Variants in TBC1D14 observed in about 807,000 individuals in gnomAD.
TBC1D14 encodes the protein TBC1 domain family member 14.
Under a neutral mutation model 79.0 loss-of-function variants are expected in TBC1D14, and 26 were observed. The ratio of observed to expected loss-of-function variants is 0.33; its 90% CI spans 0.24 to 0.46. The LOEUF (loss-of-function observed/expected upper bound fraction) is 0.46, where lower values mean the gene tolerates loss of function less well. Ranked by LOEUF, TBC1D14 falls within the 20% of genes least tolerant of loss-of-function variation. The pLI, the probability that TBC1D14 is intolerant of heterozygous loss-of-function variation, is 1.00. For synonymous variants in TBC1D14, 394 were observed against 349.9 expected (o/e 1.13, Z -1.40); for missense variants, 769 against 887.6 (o/e 0.87, Z 1.70).
At chr4:6,996,192 A>G (rs1241892762) in intron 4 of TBC1D14, 133 bp from the exon 5 acceptor site, 3 of 678,792 alleles carry the variant, frequency 4.4e-6, no homozygotes, top group African/African-American at 1.8e-5. Context: ...TTGTGAAAGA[A>G]CTGTGTAATC....
intron 3 of TBC1D14, among the ~76,000 whole-genome samples, chr4:6,978,137 C>A (rs1255844164): frequency 9.4e-5 from 14 of 148,924 alleles, no homozygotes; most frequent in African/African-American, 1.7e-4. Flanking sequence ...GCCCCCCGCC[C>A]GGCTAGCCGC....
At chr4:7,004,813 C>T (rs577869655) in intron 7 of TBC1D14, 31 bp from the exon 8 acceptor site, 12 of 1,610,108 alleles carry the variant, frequency 7.5e-6, no homozygotes, top group Admixed American at 1.7e-5. Flanking sequence ...TACATGTGCA[C>T]GTAATACTTA....
chr4:7,006,012 T>C (rs1186917631), intron 8 of TBC1D14, among the ~76,000 whole-genome samples: 1 of 152,166 alleles, frequency 6.6e-6, no homozygotes, highest in Non-Finnish European at 1.5e-5. Flanking sequence ...TTCTAAAAAG[T>C]ATAAAACAAA....
intron 12 of TBC1D14, among the ~76,000 whole-genome samples, chr4:7,015,243 G>A (rs1406073602): frequency 6.6e-6 from 1 of 152,100 alleles, no homozygotes; most frequent in East Asian, 1.9e-4. Flanking sequence ...TAAGTTACCT[G>A]GAAGGCAGGA....
intron 2 of TBC1D14, among the ~76,000 whole-genome samples, chr4:6,926,612 A>T (rs977435903): frequency 6.6e-6 from 1 of 152,236 alleles, no homozygotes; most frequent in Non-Finnish European, 1.5e-5. Context: ...AAGTGATGAC[A>T]TGGGCAGAGT....
At chr4:6,935,387 G>A (rs1446923040) in intron 2 of TBC1D14, among the ~76,000 whole-genome samples, 1 of 152,200 alleles carries the variant, frequency 6.6e-6, no homozygotes, top group East Asian at 1.9e-4. Context: ...ATCTGAAGGA[G>A]TGGGATCTAG....
chr4:6,919,752 C>T (rs1443364738), intron 1 of TBC1D14, among the ~76,000 whole-genome samples: 1 of 151,936 alleles, frequency 6.6e-6, no homozygotes, highest in East Asian at 1.9e-4. Context: ...TCCTGAGTAG[C>T]TAGGATTACA....
chr4:7,019,091 G>C (rs552023684), intron 12 of TBC1D14, among the ~76,000 whole-genome samples: 1 of 151,992 alleles, frequency 6.6e-6, no homozygotes, highest in East Asian at 1.9e-4. Context: ...GGTGGATCTC[G>C]GCTCACTGCA....
chr4:7,003,867 G>T (rs73202122), intron 7 of TBC1D14, among the ~76,000 whole-genome samples: 1 of 152,130 alleles, frequency 6.6e-6, no homozygotes, highest in East Asian at 1.9e-4. Flanking sequence ...CACCAGGTGC[G>T]GTGGCGTGCA....
intron 2 of TBC1D14, among the ~76,000 whole-genome samples, chr4:6,945,453 AT>A (rs1408268535): frequency 6.6e-6 from 1 of 152,190 alleles, no homozygotes; most frequent in Non-Finnish European, 1.5e-5. Context: ...ATTCACATAG[AT>A]TAAAGAAAGC....
chr4:7,004,007 C>T (rs572728946), intron 7 of TBC1D14, among the ~76,000 whole-genome samples: 112 of 151,752 alleles, frequency 7.4e-4, no homozygotes, highest in African/African-American at 2.5e-3. Context: ...GACTCCATCT[C>T]GGAAAAAAAA....
At chr4:6,999,047 G>T in intron 5 of TBC1D14, 38 bp from the exon 6 acceptor site, 2 of 1,598,586 alleles carry the variant, frequency 1.3e-6, no homozygotes, top group African/African-American at 1.3e-5. Flanking sequence ...GTCCATATCA[G>T]TTAGTAGATT....
In TBC1D14 at chr4:6,923,921, T is replaced by G. The variant is rs761841269; in HGVS notation, c.532T>G (p.Leu178Val). The stretch of plus-strand genomic sequence containing the variant: ...GCTGTCCGTCAGCAATGAGGACATC[T>G]TGGACCTTGTGGTCACGAGCAGCTC... ...TTLSVSNEDI[L>V]DLVVTSSSSA... is the part of the protein sequence containing the mutation. Residue 178 changes from leucine to valine, a missense_variant, in exon 2 of 14, where the codon TTG becomes GTG. Coordinates refer to ENST00000409757, the MANE Select transcript of TBC1D14 (RefSeq NM_020773.3). 5.6e-6 allele frequency: 9 copies of G among 1,614,178 alleles called. No homozygotes were observed. Among genetic ancestry groups the G allele is most frequent in the Non-Finnish European group, 2.5e-6 (3 of 1,180,034 alleles).
At chr4:6,974,609 T>G (rs1716548422) in intron 3 of TBC1D14, among the ~76,000 whole-genome samples, 1 of 152,088 alleles carries the variant, frequency 6.6e-6, no homozygotes. Context: ...AAAAAGCGCT[T>G]CAAAGGCTTT....
intron 2 of TBC1D14, among the ~76,000 whole-genome samples, chr4:6,955,893 G>A (rs754551334): frequency 6.6e-6 from 1 of 152,140 alleles, no homozygotes; most frequent in East Asian, 1.9e-4. Context: ...GCTCTGTGTT[G>A]TTTAGGTGGA....
At chr4:6,937,317 T>G (rs1470180269) in intron 2 of TBC1D14, among the ~76,000 whole-genome samples, 3 of 152,212 alleles carry the variant, frequency 2.0e-5, no homozygotes, top group Non-Finnish European at 4.4e-5. Flanking sequence ...AAGATCAAGG[T>G]GCCAGCACGT....
chr4:6,983,205 C>G (rs1717534818), intron 3 of TBC1D14, among the ~76,000 whole-genome samples: 1 of 152,080 alleles, frequency 6.6e-6, no homozygotes, highest in Non-Finnish European at 1.5e-5. Flanking sequence ...CTCCTGACCT[C>G]AAGTGATCCG....
At chr4:6,969,298 G>T (rs895381506) in intron 3 of TBC1D14, among the ~76,000 whole-genome samples, 2 of 152,116 alleles carry the variant, frequency 1.3e-5, no homozygotes, top group Non-Finnish European at 2.9e-5. Context: ...AGTTTTTAAA[G>T]AAATCACTTT....
At chr4:6,999,508 G>T (rs1358949743) in intron 6 of TBC1D14, among the ~76,000 whole-genome samples, 1 of 152,086 alleles carries the variant, frequency 6.6e-6, no homozygotes. Context: ...TACACAGTTT[G>T]AACCCTTAGC....
Sources: gnomAD v4.1 joint callset for allele counts (sites outside exome capture counted in the v4.1 genomes callset) on GRCh38, gnomAD v4.1.1 for gene constraint, MANE v1.5 for transcripts, NCBI Gene and HGNC (gene_info 2026-07-23, HGNC 2026-07-21) for gene names.